The following BRI3BP variants were observed in gnomAD, a reference collection of about 807,000 sequenced individuals.
BRI3BP encodes BRI3 binding protein, also known as BRI3-binding protein.
BRI3BP carries 7 observed loss-of-function variants against 15.8 expected under a neutral mutation model. That is an observed-to-expected ratio of 0.44 (90% CI 0.25 to 0.83). The LOEUF is 0.83. Among genes scored for constraint, BRI3BP ranks in the 40% least tolerant of loss-of-function variants. The probability of loss-of-function intolerance (pLI) is 0.20; values close to 1 mark genes in which losing one functional copy is unlikely to be tolerated. For missense variants in BRI3BP, 320 were observed against 339.3 expected, an observed-to-expected ratio of 0.94 and a Z score of 0.45; for synonymous variants, 192 against 163.5, an observed-to-expected ratio of 1.17 and a Z score of -1.33.
At chr12:125,024,224 G>A (rs1955325982) in intron 2 of BRI3BP, among the ~76,000 whole-genome samples, 1 of 151,602 alleles carries the variant, frequency 6.6e-6, no homozygotes, top group African/African-American at 2.4e-5. Flanking sequence ...AAAGGGGGCA[G>A]CTGCCAAACA....
At chr12:125,036,668 A>G in the BRI3BP span, among the ~76,000 whole-genome samples, 10 of 152,298 alleles carry the variant, frequency 6.6e-5, 1 homozygote, top group East Asian at 1.9e-4. Context: ...TCACGGTGCT[A>G]CAGAATGAAT....
chr12:125,023,324 C>T (rs1009954480), intron 2 of BRI3BP, among the ~76,000 whole-genome samples: 2 of 122,632 alleles, frequency 1.6e-5, no homozygotes, highest in African/African-American at 3.5e-5. Context: ...GCTCCAGTTC[C>T]AGCCATTGTA....
rs1478747630 is a variant in BRI3BP at position 125,005,147 on chromosome 12, C to T, written c.214-7387C>T. On this transcript the variant is annotated intron_variant, in intron 1 of 2. Transcript: ENST00000341446. ...ACAGGTGTGAGCCACAGCGCCCAGCCGGTCAGGGATTTTGTAGGATGCTCC... is the reference window on the plus strand; with the variant it reads ...ACAGGTGTGAGCCACAGCGCCCAGCTGGTCAGGGATTTTGTAGGATGCTCC... Among the ~76,000 whole-genome samples the T allele has an allele frequency of 4.6e-5, 7 of 152,190 alleles. No individual in the cohort carries two copies. The East Asian group carries it at 7.7e-4, about 17-fold the overall frequency.
chr12:125,019,414 G>A (rs907400312), intron 2 of BRI3BP, among the ~76,000 whole-genome samples: 10 of 151,832 alleles, frequency 6.6e-5, no homozygotes, highest in African/African-American at 1.2e-4. Flanking sequence ...TTGATGACAC[G>A]ATGCTTCTCA....
chr12:125,038,625 C>T, the BRI3BP span, among the ~76,000 whole-genome samples: 9 of 151,532 alleles, frequency 5.9e-5, no homozygotes, highest in Admixed American at 2.6e-4. Flanking sequence ...ATTATCCAGG[C>T]GTGGTGGTGC....
At chr12:125,006,377 C>G (rs962543940) in intron 1 of BRI3BP, among the ~76,000 whole-genome samples, 1 of 152,226 alleles carries the variant, frequency 6.6e-6, no homozygotes, top group Admixed American at 6.5e-5. Flanking sequence ...GGATCCTCCC[C>G]GAATTCACCC....
intron 1 of BRI3BP, among the ~76,000 whole-genome samples, chr12:125,001,256 C>T (rs927802953): frequency 6.6e-6 from 1 of 152,028 alleles, no homozygotes; most frequent in African/African-American, 2.4e-5. Context: ...TGGGGTTTCA[C>T]CGTGTTAGCC....
chr12:125,006,355 C>T (rs1345030908), intron 1 of BRI3BP, among the ~76,000 whole-genome samples: 7 of 152,326 alleles, frequency 4.6e-5, no homozygotes, highest in East Asian at 3.9e-4. Flanking sequence ...AATGGTTCAA[C>T]GGCAAGAGAT....
chr12:125,012,145 C>G (rs1016663522), intron 1 of BRI3BP, among the ~76,000 whole-genome samples: 5 of 152,174 alleles, frequency 3.3e-5, no homozygotes, highest in Non-Finnish European at 1.5e-5. Flanking sequence ...CATTGCACCA[C>G]TGCACTCCAG....
chr12:125,034,247 T>C (rs753449944), downstream of BRI3BP, among the ~76,000 whole-genome samples: 7 of 151,692 alleles, frequency 4.6e-5, no homozygotes, highest in Non-Finnish European at 8.8e-5. Context: ...GGTTTCTCCA[T>C]GTTGGTCAGG....
intron 2 of BRI3BP, among the ~76,000 whole-genome samples, chr12:125,019,245 T>G (rs1955272878): frequency 6.6e-6 from 1 of 151,928 alleles, no homozygotes; most frequent in African/African-American, 2.4e-5. Context: ...GGGCCACTCG[T>G]GTTTTCTTTA....
chr12:125,000,071 CTTTTTT>C (rs35258984), intron 1 of BRI3BP, among the ~76,000 whole-genome samples: 2 of 39,366 alleles, frequency 5.1e-5, no homozygotes, highest in African/African-American at 2.2e-4. Context: ...TTTGTTTTTG[CTTTTTT>C]TTTTTTTTTG....
the BRI3BP span, among the ~76,000 whole-genome samples, chr12:125,037,830 A>G: frequency 1.3e-5 from 2 of 151,822 alleles, no homozygotes; most frequent in Non-Finnish European, 2.9e-5. Context: ...AAAAAAAGAA[A>G]AGAAAAGAAA....
At position 125,029,180 on chromosome 12, in the gene BRI3BP, C is replaced by T. The variant is rs1955383694; in HGVS notation, c.*3750C>T. The T allele has an allele frequency of 6.6e-6, 1 of 151,776 alleles. No homozygotes were observed. Among genetic ancestry groups the T allele is most frequent in the Non-Finnish European group, 1.5e-5 (1 of 67,984 alleles). The allele number at this position is 151,776 out of a possible 1,614,324, so 9.4% of individuals were successfully genotyped here. On this transcript the variant is annotated 3_prime_UTR_variant, in exon 3 of 3. Coordinates refer to ENST00000341446, the MANE Select transcript of BRI3BP (RefSeq NM_080626.6). ...GGTTTAGTGATCTCTTCCTTGACAC[C>T]CTAGCAAAGATGCTTTTGTGGAGTG...
intron 1 of BRI3BP, among the ~76,000 whole-genome samples, chr12:125,002,461 G>GTTT (rs773663060): frequency 4.0e-5 from 5 of 124,106 alleles, no homozygotes; most frequent in Non-Finnish European, 5.3e-5. Flanking sequence ...TTTTTGTTTT[G>GTTT]TTTTTTTTTT....
intron 1 of BRI3BP, among the ~76,000 whole-genome samples, chr12:125,011,477 C>T (rs1442096386): frequency 6.6e-6 from 1 of 152,178 alleles, no homozygotes; most frequent in African/African-American, 2.4e-5. Context: ...TGAGGCAGCT[C>T]TGTGTGGTCT....
At chr12:125,037,822 AAAAAG>A in the BRI3BP span, among the ~76,000 whole-genome samples, 5 of 151,964 alleles carry the variant, frequency 3.3e-5, no homozygotes, top group African/African-American at 4.8e-5. Context: ...AAAAAAAAAA[AAAAAG>A]AAAAGAAAAG....
In BRI3BP at chr12:125,019,634, C is replaced by CTTTTTTTTTTTATTTTTTTTTTTTTTTT. The variant is rs1565906073; in HGVS notation, c.317-5357_317-5356insTTTTTTTTTTTATTTTTTTTTTTTTTTT. ...AATATCTTATTAACATTAATTCCACCCTTTTTTTTTTTTTTTTTTTTTTGC... is the reference window on the plus strand; with the variant it reads ...AATATCTTATTAACATTAATTCCACCTTTTTTTTTTTATTTTTTTTTTTTTTTTCTTTTTTTTTTTTTTTTTTTTTTGC... On this transcript the variant is annotated intron_variant, in intron 2 of 2. Coordinates refer to ENST00000341446, the MANE Select transcript of BRI3BP (RefSeq NM_080626.6). Among the ~76,000 whole-genome samples the CTTTTTTTTTTTATTTTTTTTTTTTTTTT allele has an allele frequency of 4.4e-5, 2 of 45,540 alleles. 1 individual carries two copies. Among genetic ancestry groups the CTTTTTTTTTTTATTTTTTTTTTTTTTTT allele is most frequent in the Non-Finnish European group, 1.0e-4 (2 of 19,858 alleles). The allele number at this position is 45,540 out of a possible 152,430, so 29.9% of individuals were successfully genotyped here.
Position 125,026,504 on chromosome 12 carries a change from G to A in BRI3BP, c.*1074G>A, listed in dbSNP as rs1424652529. 1 of 152,106 alleles carries A rather than the reference G, an allele frequency of 6.6e-6. No individual in the cohort carries two copies. Among genetic ancestry groups the A allele is most frequent in the Non-Finnish European group, 1.5e-5 (1 of 68,026 alleles). The allele number at this position is 152,106 out of a possible 1,614,324, so 9.4% of individuals were successfully genotyped here. On this transcript the variant is annotated 3_prime_UTR_variant, in exon 3 of 3. Coordinates refer to ENST00000341446, the MANE Select transcript of BRI3BP (RefSeq NM_080626.6). ...TACGATACACAGGTGCTTTTTATCT[G>A]AAATCTGTTGTGTCCTCCTTTTAGG... is the stretch of plus-strand genomic sequence containing the variant.
Sources: allele counts gnomAD v4.1 joint callset (sites outside exome capture counted in the v4.1 genomes callset), GRCh38; gene constraint gnomAD v4.1.1; transcripts MANE v1.5; gene names NCBI Gene and HGNC (gene_info 2026-07-23, HGNC 2026-07-21).